The following UTRN variants were observed in gnomAD, a reference collection of about 807,000 sequenced individuals.
The protein encoded by UTRN is utrophin, also known as dystrophin-related protein 1.
A neutral mutation model predicts 463.9 loss-of-function variants in UTRN; 283 were observed. The observed-to-expected ratio is 0.61, with a 90% CI of 0.55 to 0.67. UTRN has a LOEUF of 0.67. Among genes scored for constraint, UTRN ranks in the 30% least tolerant of loss-of-function variants. UTRN has a pLI of 0.00. For synonymous variants in UTRN, 1,442 were observed against 1,431.5 expected (o/e 1.01, Z -0.17); for missense variants, 3,922 against 4,084.3 (o/e 0.96, Z 1.08).
chr6:144,730,098 G>A (rs1449078674), intron 53 of UTRN, among the ~76,000 whole-genome samples: 1 of 152,210 alleles, frequency 6.6e-6, no homozygotes, highest in Non-Finnish European at 1.5e-5. Context: ...CAAATACACT[G>A]TAACAATTTC....
intron 45 of UTRN, among the ~76,000 whole-genome samples, chr6:144,540,286 G>A (rs1313226215): frequency 2.0e-5 from 3 of 151,618 alleles, no homozygotes; most frequent in South Asian, 4.2e-4. Context: ...GTTTGACCTG[G>A]TACACACCAT....
chr6:144,826,498 G>A (rs185131659), intron 66 of UTRN, among the ~76,000 whole-genome samples: 1 of 152,184 alleles, frequency 6.6e-6, no homozygotes, highest in Admixed American at 6.5e-5. Context: ...TCCTCAAAAA[G>A]CTAGGGTTGG....
At chr6:144,619,454 T>C (rs1364972556) in intron 51 of UTRN, among the ~76,000 whole-genome samples, 2 of 152,224 alleles carry the variant, frequency 1.3e-5, no homozygotes, top group African/African-American at 4.8e-5. Flanking sequence ...TGAAGCAGAA[T>C]ACAACTTTAC....
chr6:144,698,898 A>C (rs1459318422), intron 52 of UTRN, among the ~76,000 whole-genome samples: 1 of 152,256 alleles, frequency 6.6e-6, no homozygotes, highest in East Asian at 1.9e-4. Flanking sequence ...TTATTGAAAC[A>C]AAGACCTCAC....
At chr6:144,575,917 C>A (rs1801391140) in intron 50 of UTRN, among the ~76,000 whole-genome samples, 2 of 152,112 alleles carry the variant, frequency 1.3e-5, no homozygotes, top group Admixed American at 1.3e-4. Context: ...CTCCATTGTC[C>A]TCCACCATGC....
intron 2 of UTRN, among the ~76,000 whole-genome samples, chr6:144,348,812 T>G (rs73592834): frequency 0.065 from 9,898 of 152,034 alleles, 1,024 homozygotes; most frequent in African/African-American, 0.22. Flanking sequence ...CGCATGCCTG[T>G]AAACCCAGCT....
intron 7 of UTRN, 86 bp from the exon 8 acceptor site, chr6:144,428,691 TA>T: frequency 1.4e-6 from 1 of 691,398 alleles, no homozygotes; most frequent in Non-Finnish European, 2.2e-6. Flanking sequence ...AAAAATAATC[TA>T]AAACTAAAAT....
At chr6:144,556,648 T>G (rs1172520030) in intron 49 of UTRN, among the ~76,000 whole-genome samples, 1 of 152,218 alleles carries the variant, frequency 6.6e-6, no homozygotes, top group African/African-American at 2.4e-5. Context: ...CAGCATCAGT[T>G]TGGCTATTCA....
intron 65 of UTRN, among the ~76,000 whole-genome samples, chr6:144,810,268 TGTGCCATA>T (rs2128749735): frequency 6.6e-6 from 1 of 152,284 alleles, no homozygotes; most frequent in South Asian, 2.1e-4. Context: ...CAACTGCCAA[TGTGCCATA>T]TTTGGAGGTA....
intron 51 of UTRN, among the ~76,000 whole-genome samples, chr6:144,631,136 A>G (rs925982054): frequency 6.6e-6 from 1 of 151,930 alleles, no homozygotes. Context: ...CCCTTCTAGT[A>G]TGAGGATGGA....
intron 51 of UTRN, among the ~76,000 whole-genome samples, chr6:144,607,443 ATCT>A (rs1562641485): frequency 3.3e-5 from 5 of 152,210 alleles, no homozygotes; most frequent in African/African-American, 9.6e-5. Context: ...TTTTCTAAAC[ATCT>A]TCTTTTCTTC....
chr6:144,431,862 C>T (rs1464904349), intron 9 of UTRN, among the ~76,000 whole-genome samples: 1 of 152,194 alleles, frequency 6.6e-6, no homozygotes, highest in African/African-American at 2.4e-5. Context: ...ACTGTTTCGA[C>T]TCTGTGCTGA....
intron 26 of UTRN, among the ~76,000 whole-genome samples, chr6:144,480,325 A>G (rs1481218011): frequency 1.3e-5 from 2 of 152,154 alleles, no homozygotes; most frequent in Non-Finnish European, 2.9e-5. Flanking sequence ...GTAAATACAT[A>G]TAACATTGGT....
intron 58 of UTRN, among the ~76,000 whole-genome samples, chr6:144,770,246 G>A (rs949464102): frequency 3.3e-5 from 5 of 152,102 alleles, no homozygotes; most frequent in Admixed American, 1.3e-4. Flanking sequence ...TCCGGGATAC[G>A]TACCCAACTG....
intron 2 of UTRN, among the ~76,000 whole-genome samples, chr6:144,326,739 A>G (rs1244406638): frequency 6.6e-6 from 1 of 152,150 alleles, no homozygotes; most frequent in African/African-American, 2.4e-5. Flanking sequence ...ATCACTTGCA[A>G]CCATGGATGG....
chr6:144,481,271 T>C (rs1467376951), intron 26 of UTRN, among the ~76,000 whole-genome samples: 5 of 152,206 alleles, frequency 3.3e-5, no homozygotes, highest in African/African-American at 1.2e-4. Context: ...ACTGTTTTAT[T>C]TGTATTTATT....
chr6:144,707,036 G>A (rs528799724), intron 53 of UTRN: 75 of 152,276 alleles, frequency 4.9e-4, no homozygotes, highest in African/African-American at 1.7e-3. Flanking sequence ...ATTGTAGTAT[G>A]CCTGTAAAAC....
At position 144,392,230 on chromosome 6, in the gene UTRN, G is replaced by A. The variant is rs891450326; in HGVS notation, c.80-10893G>A. On this transcript the variant is annotated intron_variant, in intron 2 of 74. Transcript: ENST00000367545. ...AAATTCATTTTACCTGTTTTTTAAT[G>A]CGGCTTTTAAAATTATGTATGTGAC... 1.1e-4 allele frequency among the ~76,000 whole-genome samples: 16 copies of A among 152,134 alleles called. 1 individual carries two copies.
At chr6:144,452,798 G>A (rs931494078) in intron 18 of UTRN, among the ~76,000 whole-genome samples, 1 of 151,106 alleles carries the variant, frequency 6.6e-6, no homozygotes, top group African/African-American at 2.4e-5. Context: ...AAAAAAATTT[G>A]TGGGGCGTGA....
Sources: gnomAD v4.1 joint callset for allele counts (sites outside exome capture counted in the v4.1 genomes callset) on GRCh38, gnomAD v4.1.1 for gene constraint, MANE v1.5 for transcripts, NCBI Gene and HGNC (gene_info 2026-07-23, HGNC 2026-07-21) for gene names.